The following SRBD1 variants were observed in gnomAD, a reference collection of about 807,000 sequenced individuals.
SRBD1 encodes the protein S1 RNA binding domain 1, also known as S1 RNA-binding domain-containing protein 1.
A neutral mutation model predicts 115.3 loss-of-function variants in SRBD1; 88 were observed. That is an observed-to-expected ratio of 0.76 (90% CI 0.64 to 0.91). The LOEUF (loss-of-function observed/expected upper bound fraction) is 0.91, where lower values mean the gene tolerates loss of function less well. Ranked by LOEUF, SRBD1 falls within the 40% of genes least tolerant of loss-of-function variation. SRBD1 has a pLI of 0.00. For synonymous variants in SRBD1, 509 were observed against 407.7 expected (o/e 1.25, Z -2.99); for missense variants, 1,385 against 1,177.4 (o/e 1.18, Z -2.58).
intron 16 of SRBD1, among the ~76,000 whole-genome samples, chr2:45,458,264 C>T (rs1035488005): frequency 3.3e-5 from 5 of 151,918 alleles, no homozygotes; most frequent in South Asian, 2.1e-4. Context: ...GTGACCTGAG[C>T]GTGATTAGAA....
intron 7 of SRBD1, 105 bp downstream of exon 7, chr2:45,579,770 T>C: frequency 7.8e-7 from 1 of 1,274,868 alleles, no homozygotes; most frequent in Non-Finnish European, 1.0e-6. Context: ...GCTGTAATAT[T>C]CTTTTGTATA....
intron 14 of SRBD1, among the ~76,000 whole-genome samples, chr2:45,511,854 C>G (rs950972090): frequency 5.3e-5 from 8 of 152,130 alleles, no homozygotes; most frequent in Admixed American, 4.6e-4. Context: ...TTCTACTTAC[C>G]TCATCAAGAC....
chr2:45,567,603 T>C (rs1672872714), intron 9 of SRBD1, among the ~76,000 whole-genome samples: 1 of 149,554 alleles, frequency 6.7e-6, no homozygotes, highest in Non-Finnish European at 1.5e-5. Context: ...AGCAAGATAC[T>C]GTCTAAGAAA....
chr2:45,415,688 GGAGA>G (rs1258605089), intron 18 of SRBD1, among the ~76,000 whole-genome samples: 7 of 1,742 alleles, frequency 4.0e-3, no homozygotes, highest in Non-Finnish European at 6.7e-3. Context: ...GGAGGGGACG[GGAGA>G]GGAGAGGAGA....
At chr2:45,537,135 C>G (rs1389631589) in intron 14 of SRBD1, among the ~76,000 whole-genome samples, 1 of 152,034 alleles carries the variant, frequency 6.6e-6, no homozygotes, top group African/African-American at 2.4e-5. Context: ...TAGGCTCATA[C>G]GACACAGAAA....
At chr2:45,432,752 TCGAATTC>T (rs2103679968) in intron 16 of SRBD1, among the ~76,000 whole-genome samples, 1 of 152,214 alleles carries the variant, frequency 6.6e-6, no homozygotes, top group East Asian at 1.9e-4. Context: ...AGTCTCTCTT[TCGAATTC>T]AAGGAAATCC....
At chr2:45,433,440 GA>G (rs145337971) in intron 16 of SRBD1, among the ~76,000 whole-genome samples, 14,234 of 150,308 alleles carry the variant, frequency 0.095, 684 homozygotes, top group South Asian at 0.13. Flanking sequence ...CTTAACCCAG[GA>G]AAAAAAAAGC....
chr2:45,501,734 G>T (rs1196343805), intron 14 of SRBD1, among the ~76,000 whole-genome samples: 1 of 152,210 alleles, frequency 6.6e-6, no homozygotes, highest in Non-Finnish European at 1.5e-5. Context: ...CGGCAGCAAG[G>T]CTGGGGTAGG....
chr2:45,529,676 T>C (rs1221982488), intron 14 of SRBD1, among the ~76,000 whole-genome samples: 3 of 151,860 alleles, frequency 2.0e-5, no homozygotes, highest in South Asian at 2.1e-4. Context: ...CCCAAATGGG[T>C]TGAGTTAGGG....
intron 14 of SRBD1, among the ~76,000 whole-genome samples, chr2:45,537,225 G>T (rs565917216): frequency 6.6e-6 from 1 of 152,086 alleles, no homozygotes; most frequent in South Asian, 2.1e-4. Context: ...TTCAGCACTG[G>T]AGTCTTCTTA....
Position 45,499,155 on chromosome 2 carries a change from ATT to A in SRBD1, c.1875-10826_1875-10825del, listed in dbSNP as rs140874109. Among the ~76,000 whole-genome samples, 824 of 152,202 alleles carry A rather than the reference ATT, an allele frequency of 5.4e-3. 6 individuals are homozygous for A. Among genetic ancestry groups the A allele is most frequent in the African/African-American group, 0.019 (802 of 41,538 alleles). ...CACATTTCTCCACATTCTCTCCAGCATTTGTTATTTTTTACCTTTTTGATAAG... is the reference window on the plus strand; with the variant it reads ...CACATTTCTCCACATTCTCTCCAGCATGTTATTTTTTACCTTTTTGATAAG... On this transcript the variant is annotated intron_variant, in intron 14 of 20. Coordinates refer to ENST00000263736, the MANE Select transcript of SRBD1 (RefSeq NM_018079.5).
At chr2:45,597,534 G>C (rs1161863031) in intron 4 of SRBD1, among the ~76,000 whole-genome samples, 1 of 152,016 alleles carries the variant, frequency 6.6e-6, no homozygotes, top group Non-Finnish European at 1.5e-5. Context: ...CCTCTGTAAA[G>C]AAGCAAGAAA....
intron 10 of SRBD1, among the ~76,000 whole-genome samples, chr2:45,555,146 C>G (rs1356532806): frequency 6.6e-6 from 1 of 152,196 alleles, no homozygotes; most frequent in Non-Finnish European, 1.5e-5. Context: ...CAGAGTATGG[C>G]CTTCCAGAGG....
chr2:45,582,853 T>C (rs1484136132), intron 5 of SRBD1, among the ~76,000 whole-genome samples: 1 of 152,140 alleles, frequency 6.6e-6, no homozygotes, highest in Non-Finnish European at 1.5e-5. Flanking sequence ...TACTGGAGTA[T>C]CACTGCTCAG....
chr2:45,398,703 A>G (rs1667213620), intron 19 of SRBD1, among the ~76,000 whole-genome samples: 1 of 152,032 alleles, frequency 6.6e-6, no homozygotes, highest in Non-Finnish European at 1.5e-5. Context: ...CTTCTAAAAG[A>G]TTTAGGATGA....
intron 9 of SRBD1, among the ~76,000 whole-genome samples, chr2:45,566,048 A>G (rs1672818136): frequency 6.6e-6 from 1 of 152,272 alleles, no homozygotes; most frequent in Admixed American, 6.5e-5. Context: ...TCAAAACACA[A>G]AAAGATGGAC....
Position 45,549,541 on chromosome 2 carries a change from T to TA in SRBD1, c.1675+1583dup, listed in dbSNP as rs577331773. ...GCCTAATGTATGAGAACAAGCTTCTTAAAAAAAAACATTACAGAAAATAAG... is the reference window on the plus strand; with the variant it reads ...GCCTAATGTATGAGAACAAGCTTCTTAAAAAAAAAACATTACAGAAAATAAG... On this transcript the variant is annotated intron_variant, in intron 12 of 20. Transcript: ENST00000263736. Among the ~76,000 whole-genome samples the TA allele has an allele frequency of 5.9e-4, 88 of 149,592 alleles. 1 individual carries two copies. Among genetic ancestry groups the TA allele is most frequent in the South Asian group, 3.8e-3 (18 of 4,738 alleles).
intron 4 of SRBD1, among the ~76,000 whole-genome samples, chr2:45,595,515 T>C (rs1249226120): frequency 1.3e-5 from 2 of 152,202 alleles, no homozygotes; most frequent in African/African-American, 4.8e-5. Flanking sequence ...GTCTGATCCT[T>C]ATCCAAATGT....
intron 16 of SRBD1, among the ~76,000 whole-genome samples, chr2:45,425,804 G>C (rs1668135649): frequency 6.6e-6 from 1 of 152,134 alleles, no homozygotes; most frequent in Non-Finnish European, 1.5e-5. Context: ...GTGAGGAATG[G>C]TACACTCTGC....
Sources: allele counts gnomAD v4.1 joint callset (sites outside exome capture counted in the v4.1 genomes callset), GRCh38; gene constraint gnomAD v4.1.1; transcripts MANE v1.5; gene names NCBI Gene and HGNC (gene_info 2026-07-23, HGNC 2026-07-21).